The following FBXL5 variants were observed in gnomAD, a reference collection of about 807,000 sequenced individuals.
FBXL5 encodes the protein F-box/LRR-repeat protein 5.
FBXL5 carries 26 observed loss-of-function variants against 78.3 expected under a neutral mutation model. The observed-to-expected ratio is 0.33, with a 90% CI of 0.24 to 0.46. FBXL5 has a LOEUF of 0.46. Ranked by LOEUF, FBXL5 falls within the 20% of genes least tolerant of loss-of-function variation. FBXL5 has a pLI of 1.00. For missense variants in FBXL5, 710 were observed against 829.2 expected (o/e 0.86, Z 1.77); for synonymous variants, 295 against 282.5 (o/e 1.04, Z -0.45).
In FBXL5 at chr4:15,625,392, A is replaced by G. The variant is rs1712932293; in HGVS notation, c.1710T>C (p.Cys570=). The G allele has an allele frequency of 6.2e-7, 1 of 1,614,038 alleles. No homozygotes were observed. The change falls in exon 9 of 11, where the codon TGT becomes TGC. Residue 570 remains cysteine, a synonymous_variant. Coordinates refer to ENST00000341285, the MANE Select transcript of FBXL5 (RefSeq NM_012161.4). ...GCAATCTAGTCCTTGCTGCTTTTCT[A>G]CACATTGCAGAAGATTCTGGGAGTG... The part of the protein sequence containing the change: ...MSSLPESSAM[C]RKAARTRLPR...
intron 3 of FBXL5, among the ~76,000 whole-genome samples, chr4:15,640,008 A>C (rs939903933): frequency 1.3e-5 from 2 of 152,144 alleles, no homozygotes; most frequent in African/African-American, 2.4e-5. Context: ...ATGATACCCT[A>C]ATACATGTAC....
intron 9 of FBXL5, among the ~76,000 whole-genome samples, chr4:15,621,261 G>A (rs919561275): frequency 6.6e-6 from 1 of 152,170 alleles, no homozygotes; most frequent in Non-Finnish European, 1.5e-5. Context: ...TAGCTGAATA[G>A]TAGGATACAA....
chr4:15,613,042 A>G (rs1722375995), intron 9 of FBXL5, among the ~76,000 whole-genome samples: 1 of 152,252 alleles, frequency 6.6e-6, no homozygotes, highest in Admixed American at 6.5e-5. Context: ...CACATAGTAT[A>G]ACATGCATAA....
rs551350426 is a variant in FBXL5 at position 15,630,271 on chromosome 4, G to A, written c.892+395C>T. ...GCAAGTATTAAGACTATCTACAAAC[G>A]AGTAAGTCGACTCAACAGTTTCATC... On this transcript the variant is annotated intron_variant, in intron 6 of 10. Transcript: ENST00000341285. Among the ~76,000 whole-genome samples, 46 of 152,206 alleles carry A rather than the reference G, an allele frequency of 3.0e-4. No individual in the cohort carries two copies. The South Asian group carries it at 5.4e-3, about 18-fold the overall frequency.
Position 15,636,580 on chromosome 4 carries a change from C to G in FBXL5, c.680G>C (p.Arg227Pro). The G allele has an allele frequency of 3.1e-6, 5 of 1,613,934 alleles. No homozygotes were observed. The highest frequency in any genetic ancestry group is 4.2e-6 in the Non-Finnish European group (5 of 1,179,924). ...CCATTTCATGCTTACTTGACTGCAT[C>G]GACATAACTCTTGAGGATTAAGATA... Reference protein sequence around the residue: ...FSYLNPQELCRCSQVSMKWSQ... With the variant: ...FSYLNPQELCPCSQVSMKWSQ... The change falls in exon 5 of 11, where the codon CGA becomes CCA. Residue 227 changes from arginine (R) to proline (P), a missense_variant. Physicochemically the swap from Arg to Pro is moderately radical, Grantham distance 103. Coordinates refer to ENST00000341285, the MANE Select transcript of FBXL5 (RefSeq NM_012161.4).
At position 15,636,596 on chromosome 4, in the gene FBXL5, G is replaced by C; in HGVS notation, c.664C>G (p.Pro222Ala). ...TGACTGCATCGACATAACTCTTGAG[G>C]ATTAAGATAGCTGAAAATTGACAGC... Reference protein sequence around the residue: ...VMLSIFSYLNPQELCRCSQVS... With the variant: ...VMLSIFSYLNAQELCRCSQVS... Residue 222 changes from proline to alanine, a missense_variant, in exon 5 of 11, where the codon CCT becomes GCT. Physicochemically the swap from Pro to Ala is conservative, Grantham distance 27 (BLOSUM62 -1). Transcript: ENST00000341285. 6.2e-7 allele frequency: 1 copy of C among 1,614,000 alleles called. No individual in the cohort carries two copies. Among genetic ancestry groups the C allele is most frequent in the Non-Finnish European group, 8.5e-7 (1 of 1,179,938 alleles).
chr4:15,648,206 T>C (rs2148690455), intron 1 of FBXL5, among the ~76,000 whole-genome samples: 1 of 152,302 alleles, frequency 6.6e-6, no homozygotes, highest in South Asian at 2.1e-4. Flanking sequence ...ATATAAGCCC[T>C]ACCTAGGCAT....
Position 15,625,787 on chromosome 4 carries a change from G to T in FBXL5, c.1315C>A (p.Gln439Lys). 6.2e-7 allele frequency: 1 copy of T among 1,614,128 alleles called. No homozygotes were observed. Among genetic ancestry groups the T allele is most frequent in the East Asian group, 2.2e-5 (1 of 44,878 alleles). The change falls in exon 9 of 11, where the codon CAG becomes AAG. Residue 439 changes from glutamine (Q) to lysine (K), a missense_variant. This residue lies in a region of FBXL5 where 517 missense variants were observed against 542.9 expected (regional missense o/e 0.95). Coordinates refer to ENST00000341285, the MANE Select transcript of FBXL5 (RefSeq NM_012161.4). ...AAACAGGCATACTGCTTGGTGGACT[G>T]CATGGTAATGTCTTTATTTTTCCAC... ...TAWKNKDITM[Q>K]STKQYACLHD...
chr4:15,605,759 C>T lies in FBXL5; in HGVS notation c.2040G>A (p.Gln680=). 6.2e-7 allele frequency: 1 copy of T among 1,613,738 alleles called. No homozygotes were observed. Among genetic ancestry groups the T allele is most frequent in the Non-Finnish European group, 8.5e-7 (1 of 1,179,782 alleles). Residue 680 remains glutamine (Q), a synonymous_variant, in exon 11 of 11, where the codon CAG becomes CAA. Transcript: ENST00000341285. The part of the protein sequence containing the change: ...ADTASGCQNL[Q]CGFRACCRSG... The stretch of plus-strand genomic sequence containing the variant: ...AGCGGCAGCAGGCTCGAAAACCACA[C>T]TGCAAATTCTGGCATCCACTGGCGG...
At chr4:15,626,778 T>C (rs977767172) in intron 8 of FBXL5, 95 bp downstream of exon 8, 4 of 849,756 alleles carry the variant, frequency 4.7e-6, no homozygotes, top group Admixed American at 2.6e-5. Flanking sequence ...TGAGATTTGA[T>C]AGTAAAAAAT....
upstream of FBXL5, among the ~76,000 whole-genome samples, chr4:15,655,863 G>A (rs1577497618): frequency 3.3e-5 from 5 of 152,308 alleles, no homozygotes; most frequent in Middle Eastern, 3.4e-3. Context: ...AGACCACCCC[G>A]GCCGCCACTC....
chr4:15,642,110 C>T (rs539633086), intron 2 of FBXL5, among the ~76,000 whole-genome samples: 1 of 152,118 alleles, frequency 6.6e-6, no homozygotes, highest in Admixed American at 6.6e-5. Context: ...CTCACTATAT[C>T]TTGAAGTAAC....
chr4:15,662,546 A>G (rs1306214332), upstream of FBXL5, among the ~76,000 whole-genome samples: 1 of 152,228 alleles, frequency 6.6e-6, no homozygotes, highest in Non-Finnish European at 1.5e-5. Context: ...ATCATCAGAT[A>G]TGCATTGTTC....
At chr4:15,662,269 T>TAATAAACGAAGGGATTAA (rs1553856022), upstream of FBXL5, among the ~76,000 whole-genome samples, 1 of 152,152 alleles carries the variant, frequency 6.6e-6, no homozygotes, top group Non-Finnish European at 1.5e-5. Context: ...CATAGGCTCC[T>TAATAAACGAAGGGATTAA]TCCACGGCTC....
At chr4:15,680,215 G>A (rs955439719) in intron 1 of FBXL5, among the ~76,000 whole-genome samples, 8 of 152,050 alleles carry the variant, frequency 5.3e-5, no homozygotes, top group African/African-American at 1.2e-4. Context: ...CATGAAGACC[G>A]GAAGGATAAA....
At chr4:15,681,295 C>T (rs911605036) in intron 1 of FBXL5, 2 of 154,468 alleles carry the variant, frequency 1.3e-5, no homozygotes, top group Admixed American at 1.3e-4. Context: ...AGTGTATGAA[C>T]CAGCGTCCTG....
upstream of FBXL5, chr4:15,656,172 T>C: frequency 2.2e-6 from 1 of 456,088 alleles, no homozygotes; most frequent in Non-Finnish European, 4.4e-6. Context: ...GGAAAGAACC[T>C]TGGTACAAAT....
intron 1 of FBXL5, among the ~76,000 whole-genome samples, chr4:15,675,748 AT>A (rs1717972226): frequency 1.3e-5 from 2 of 151,706 alleles, no homozygotes; most frequent in South Asian, 4.2e-4. Context: ...CACCCCATTA[AT>A]TTTTTGTATT....
At chr4:15,656,245 CTCTT>C (rs1560244788), upstream of FBXL5, 4 of 456,104 alleles carry the variant, frequency 8.8e-6, no homozygotes, top group Admixed American at 7.0e-5. Context: ...AAATGTCTGC[CTCTT>C]TCCCATAAAT....
Sources: allele counts gnomAD v4.1 joint callset (sites outside exome capture counted in the v4.1 genomes callset), GRCh38; gene constraint gnomAD v4.1.1; regional missense constraint gnomAD v4.1.1; transcripts MANE v1.5; gene names NCBI Gene and HGNC (gene_info 2026-07-23, HGNC 2026-07-21).